The following NLRP4 variants were observed in gnomAD, a reference collection of about 807,000 sequenced individuals.
The protein encoded by NLRP4 is NLR family pyrin domain containing 4.
In NLRP4, 44 loss-of-function variants were observed where a neutral mutation model predicts 84.7. That is an observed-to-expected ratio of 0.52 (90% confidence interval 0.41 to 0.67). The LOEUF is 0.67. Ranked by LOEUF, NLRP4 falls within the 30% of genes least tolerant of loss-of-function variation. The pLI, the probability that NLRP4 is intolerant of heterozygous loss-of-function variation, is 0.00. For synonymous variants in NLRP4, 544 were observed against 476.4 expected (o/e 1.14, Z -1.85); for missense variants, 1,260 against 1,219.4 (o/e 1.03, Z -0.50).
rs1985605048 is a variant in NLRP4 at position 55,881,838 on chromosome 19, A to G, written c.*251A>G. ...TCTTAACCCCTCAATAAAGTGTTAC[A>G]TTTCTAAACATTGGAAATTCTTTTT... On this transcript the variant is annotated 3_prime_UTR_variant, in exon 10 of 10. Coordinates refer to ENST00000301295, the MANE Select transcript of NLRP4 (RefSeq NM_134444.5). The G allele has an allele frequency of 3.5e-6, 1 of 286,316 alleles. No homozygotes were observed. Among genetic ancestry groups the G allele is most frequent in the East Asian group, 6.2e-5 (1 of 16,038 alleles). 17.7% of individuals were successfully genotyped at this position (286,316 alleles called of 1,614,324 possible).
Position 55,871,251 on chromosome 19 carries a change from A to G in NLRP4, c.2525+254A>G, listed in dbSNP as rs114764501. Among the ~76,000 whole-genome samples, 408 of 152,320 alleles carry G rather than the reference A, an allele frequency of 2.7e-3. 6 individuals carry two copies. The highest frequency in any genetic ancestry group is 8.9e-3 in the African/African-American group (372 of 41,568). On this transcript the variant is annotated intron_variant, in intron 7 of 9. Transcript: ENST00000301295. ...TAGGTAGAGGACTGAGAGAGCCGGA[A>G]TTAGGTCGGGACCTGAGGGGCAATT...
intron 9 of NLRP4, among the ~76,000 whole-genome samples, chr19:55,880,061 C>G (rs1985529347): frequency 6.6e-6 from 1 of 151,610 alleles, no homozygotes; most frequent in Non-Finnish European, 1.5e-5. Flanking sequence ...GTTTTCAAAC[C>G]AATATGAGAT....
chr19:55,857,362 T>TGTGTGTGTGTGTGTG, intron 2 of NLRP4: 1 of 416,668 alleles, frequency 2.4e-6, no homozygotes, highest in Non-Finnish European at 4.2e-6. Context: ...TGTGTGTCTA[T>TGTGTGTGTGTGTGTG]TGAAAGCAGA....
At chr19:55,871,111 A>C (rs1985164982) in intron 7 of NLRP4, 114 bp downstream of exon 7, 1 of 859,114 alleles carries the variant, frequency 1.2e-6, no homozygotes, top group African/African-American at 1.7e-5. Context: ...TGGGCATGTG[A>C]AGGTTTAAAA....
At chr19:55,873,270 G>T (rs1194472619) in intron 7 of NLRP4, among the ~76,000 whole-genome samples, 1 of 151,928 alleles carries the variant, frequency 6.6e-6, no homozygotes, top group South Asian at 2.1e-4. Flanking sequence ...CCATCTTGAA[G>T]ATTTAATGGA....
At position 55,849,894 on chromosome 19, in the gene NLRP4, C is replaced by CTG. The variant is rs1983963430; in HGVS notation, c.-65-2122_-65-2121insTG. 7.7e-4 allele frequency among the ~76,000 whole-genome samples: 12 copies of CTG among 15,684 alleles called. 1 individual carries two copies. Among genetic ancestry groups the CTG allele is most frequent in the African/African-American group, 2.0e-3 (10 of 4,908 alleles). The allele number at this position is 15,684 out of a possible 152,430, so 10.3% of individuals were successfully genotyped here. On this transcript the variant is annotated intron_variant, in intron 1 of 9. Transcript: ENST00000301295. ...CGTGGCCGCGGTGTAATTTCCGTGGCCGGCGGTGTAATTTCCGTAGCCGCG... is the reference window on the plus strand; with the variant it reads ...CGTGGCCGCGGTGTAATTTCCGTGGCTGCGGCGGTGTAATTTCCGTAGCCGCG...
chr19:55,869,131 G>T (rs1330588746), intron 6 of NLRP4, among the ~76,000 whole-genome samples: 1 of 152,124 alleles, frequency 6.6e-6, no homozygotes, highest in Non-Finnish European at 1.5e-5. Flanking sequence ...TGCAGTTCAG[G>T]AAGGGGAACC....
intron 1 of NLRP4, among the ~76,000 whole-genome samples, chr19:55,845,063 A>G (rs1983742136): frequency 6.6e-6 from 1 of 151,848 alleles, no homozygotes; most frequent in Admixed American, 6.6e-5. Context: ...TTTAGGGTAC[A>G]TGTGCACAAC....
intron 7 of NLRP4, among the ~76,000 whole-genome samples, chr19:55,871,480 A>T (rs2123059160): frequency 6.6e-6 from 1 of 152,350 alleles, no homozygotes; most frequent in East Asian, 1.9e-4. Flanking sequence ...GGAGATGGTG[A>T]AAAGACTTAA....
intron 1 of NLRP4, among the ~76,000 whole-genome samples, chr19:55,850,845 A>G (rs1481524508): frequency 1.2e-5 from 1 of 84,704 alleles, no homozygotes; most frequent in Non-Finnish European, 2.0e-5. Flanking sequence ...CTGCGGTGTA[A>G]TTTACGAGGC....
chr19:55,866,332 G>A (rs1048451299), intron 5 of NLRP4, among the ~76,000 whole-genome samples: 11 of 152,154 alleles, frequency 7.2e-5, no homozygotes, highest in East Asian at 1.9e-4. Flanking sequence ...ACGCCCGGCC[G>A]CACCAACCTA....
intron 7 of NLRP4, among the ~76,000 whole-genome samples, chr19:55,871,330 AG>A (rs1985173763): frequency 6.6e-6 from 1 of 152,210 alleles, no homozygotes; most frequent in Non-Finnish European, 1.5e-5. Flanking sequence ...GCACTTCATC[AG>A]GTGCAAAAAT....
At chr19:55,841,827 T>G (rs540442642) in intron 1 of NLRP4, among the ~76,000 whole-genome samples, 106 of 152,236 alleles carry the variant, frequency 7.0e-4, no homozygotes, top group Non-Finnish European at 1.4e-3. Context: ...ATCGTACCAC[T>G]GCACTCCAGC....
Position 55,870,672 on chromosome 19 carries a change from A to G in NLRP4, c.2355-155A>G, listed in dbSNP as rs544962383. The stretch of plus-strand genomic sequence containing the variant: ...CAGCAAAACTCCATCTCAAAAGAAT[A>G]AATGAGAGGAGGTGTTTTCAGATAA... On this transcript the variant is annotated intron_variant, in intron 6 of 9. Transcript: ENST00000301295. Among the ~76,000 whole-genome samples, 4 of 152,326 alleles carry G rather than the reference A, an allele frequency of 2.6e-5. 1 individual carries two copies. Among genetic ancestry groups the G allele is most frequent in the Admixed American group, 2.0e-4 (3 of 15,298 alleles).
chr19:55,858,645 G>T lies in NLRP4; in HGVS notation c.1252G>T (p.Asp418Tyr). ...WTDTFEFCED[D>Y]LRRNGVVDAD... Reference sequence around the variant, plus strand: ...AGACACATTTGAGTTTTGTGAAGACGACCTCCGGAGAAATGGGGTTGTTGA... The same window carrying T: ...AGACACATTTGAGTTTTGTGAAGACTACCTCCGGAGAAATGGGGTTGTTGA... The change falls in exon 3 of 10, where the codon GAC becomes TAC. Residue 418 changes from aspartate (D) to tyrosine (Y), a missense_variant. This residue lies in a region of NLRP4 where 712 missense variants were observed against 669.2 expected (regional missense o/e 1.06). Transcript: ENST00000301295. The surrounding 1 kb of genome is among the most constrained non-coding windows in gnomAD (Gnocchi z 4.2). The T allele has an allele frequency of 6.2e-7, 1 of 1,614,142 alleles. No individual in the cohort carries two copies. Among genetic ancestry groups the T allele is most frequent in the Non-Finnish European group, 8.5e-7 (1 of 1,180,016 alleles).
At position 55,857,822 on chromosome 19, in the gene NLRP4, A is replaced by T; in HGVS notation, c.429A>T (p.Glu143Asp). 6.2e-6 allele frequency: 10 copies of T among 1,614,028 alleles called. No individual in the cohort carries two copies. Among genetic ancestry groups the T allele is most frequent in the Non-Finnish European group, 8.5e-6 (10 of 1,179,908 alleles). The change falls in exon 3 of 10, where the codon GAA becomes GAT. Residue 143 changes from glutamate (E) to aspartate (D), a missense_variant. Transcript: ENST00000301295. ...DHLDRLFAPK[E>D]AGKQPRTVII... ...TGGACCGCCTTTTTGCTCCCAAGGA[A>T]GCTGGGAAACAGCCACGTACAGTGA...
chr19:55,856,666 C>CTGTGT (rs1429695062), intron 2 of NLRP4, among the ~76,000 whole-genome samples: 1 of 151,734 alleles, frequency 6.6e-6, no homozygotes, highest in African/African-American at 2.4e-5. Context: ...CAGGCACACA[C>CTGTGT]CACCACGCCC....
chr19:55,858,694 G>T lies in NLRP4; in HGVS notation c.1301G>T (p.Gly434Val). ...GACGCTGACATCCCTGCGCTGCTGG[G>T]CACCAAGATACTTCTGAAGTACGGG... ...VVDADIPALL[G>V]TKILLKYGER... The change falls in exon 3 of 10, where the codon GGC becomes GTC. Residue 434 changes from glycine (G) to valine (V), a missense_variant. Transcript: ENST00000301295. This position sits in a 1 kb window ranked among gnomAD's most constrained non-coding sequence, Gnocchi z 4.2. 6.2e-7 allele frequency: 1 copy of T among 1,614,148 alleles called. No homozygotes were observed. The highest frequency in any genetic ancestry group is 8.5e-7 in the Non-Finnish European group (1 of 1,180,010).
At chr19:55,868,396 A>C (rs1985045596) in intron 6 of NLRP4, among the ~76,000 whole-genome samples, 1 of 152,136 alleles carries the variant, frequency 6.6e-6, no homozygotes, top group Non-Finnish European at 1.5e-5. Context: ...AAGACAGATG[A>C]GTAAGTGTTA....
Sources: gnomAD v4.1 joint callset for allele counts (sites outside exome capture counted in the v4.1 genomes callset) on GRCh38, gnomAD v4.1.1 for gene constraint, gnomAD v4.1.1 regional missense constraint, Gnocchi (gnomAD v3.1) non-coding constraint, MANE v1.5 for transcripts, NCBI Gene and HGNC (gene_info 2026-07-23, HGNC 2026-07-21) for gene names.